Variants in ERBB4 observed in about 807,000 individuals in gnomAD.
ERBB4 encodes erb-b2 receptor tyrosine kinase 4.
ERBB4 carries 42 observed loss-of-function variants against 158.0 expected under a neutral mutation model. That is an observed-to-expected ratio of 0.27 (90% confidence interval 0.21 to 0.34). ERBB4 has a LOEUF of 0.34. ERBB4 is among the 10% of genes least tolerant of loss of function. The pLI is 1.00. For synonymous variants in ERBB4, 583 were observed against 558.7 expected (o/e 1.04, Z -0.61); for missense variants, 1,333 against 1,624.1 (o/e 0.82, Z 3.08).
Position 212,299,251 on chromosome 2 carries a change from A to T in ERBB4, c.83-174348T>A, listed in dbSNP as rs570141695. 1.8e-3 allele frequency among the ~76,000 whole-genome samples: 275 copies of T among 151,764 alleles called. 3 individuals are homozygous for T. The highest frequency in any genetic ancestry group is 6.3e-3 in the African/African-American group (263 of 41,496). ...AATGAGGCAGGAGCTCACAGCTCAT[A>T]ATGACACCAATTACTTTTGCCATAC... On this transcript the variant is annotated intron_variant, in intron 1 of 27. Coordinates refer to ENST00000342788, the MANE Select transcript of ERBB4 (RefSeq NM_005235.3).
At chr2:211,772,808 GATATATATATATAT>G (rs761544601) in intron 4 of ERBB4, among the ~76,000 whole-genome samples, 4 of 37,728 alleles carry the variant, frequency 1.1e-4, no homozygotes, top group Non-Finnish European at 1.8e-4. Flanking sequence ...ACCATACTGG[GATATATATATATAT>G]ATATATATAT....
chr2:212,309,778 A>G (rs537729043), intron 1 of ERBB4, among the ~76,000 whole-genome samples: 1 of 150,496 alleles, frequency 6.6e-6, no homozygotes, highest in Non-Finnish European at 1.5e-5. Context: ...AAGCAATCAG[A>G]GACTTTCAAA....
chr2:211,725,316 T>C lies in ERBB4; in HGVS notation c.623-122A>G, dbSNP rs989341658. On this transcript the variant is annotated intron_variant, in intron 5 of 27. Transcript: ENST00000342788. The stretch of plus-strand genomic sequence containing the variant: ...CTCAATTCAGCAAACATTTAATGAA[T>C]GAGGTTTACAACTAGATCAAAATTT... 5.0e-6 allele frequency: 4 copies of C among 793,756 alleles called. No individual in the cohort carries two copies. In the Admixed American group the frequency reaches 7.1e-5, roughly 14 times the overall value. 49.2% of individuals were successfully genotyped at this position (793,756 alleles called of 1,614,324 possible).
chr2:211,919,530 T>C (rs1411859947), intron 3 of ERBB4, among the ~76,000 whole-genome samples: 1 of 151,994 alleles, frequency 6.6e-6, no homozygotes, highest in South Asian at 2.1e-4. Flanking sequence ...CCCTAGTAAA[T>C]GTGCATGAAC....
chr2:211,402,168 A>G (rs1231594470), intron 25 of ERBB4, among the ~76,000 whole-genome samples: 1 of 152,132 alleles, frequency 6.6e-6, no homozygotes, highest in Non-Finnish European at 1.5e-5. Flanking sequence ...TATATCCCAG[A>G]CTTTTAGAAA....
chr2:211,974,487 T>C (rs1179742247), intron 2 of ERBB4, among the ~76,000 whole-genome samples: 2 of 152,206 alleles, frequency 1.3e-5, no homozygotes, highest in Non-Finnish European at 2.9e-5. Context: ...ATTAGCCATA[T>C]AACCTGGGTA....
At chr2:211,644,365 C>A (rs912943259) in intron 16 of ERBB4, among the ~76,000 whole-genome samples, 18 of 151,976 alleles carry the variant, frequency 1.2e-4, no homozygotes, top group Admixed American at 3.9e-4. Context: ...TATGGGGAAA[C>A]CCATTTTTTT....
intron 3 of ERBB4, among the ~76,000 whole-genome samples, chr2:211,875,201 T>C (rs548637980): frequency 1.3e-5 from 2 of 151,896 alleles, no homozygotes; most frequent in African/African-American, 4.8e-5. Context: ...ATATCATTAA[T>C]AAAATACCAT....
At chr2:212,282,776 A>G (rs2085806580) in intron 1 of ERBB4, among the ~76,000 whole-genome samples, 1 of 151,928 alleles carries the variant, frequency 6.6e-6, no homozygotes, top group Admixed American at 6.6e-5. Flanking sequence ...GACTTTGGTA[A>G]TTAGCCAAGT....
intron 20 of ERBB4, among the ~76,000 whole-genome samples, chr2:211,512,394 A>G (rs1256254964): frequency 6.6e-6 from 1 of 152,044 alleles, no homozygotes; most frequent in African/African-American, 2.4e-5. Context: ...CACTGATTTC[A>G]GAGCAGACAG....
rs34396660 is a variant in ERBB4, at chr2:212,064,988, G to GGTGTGTGT, written c.234+59756_234+59763dup. 2.5e-4 allele frequency among the ~76,000 whole-genome samples: 36 copies of GGTGTGTGT among 143,388 alleles called. No homozygotes were observed. The South Asian group carries it at 3.4e-3, about 14-fold the overall frequency. 94.1% of individuals were successfully genotyped at this position (143,388 alleles called of 152,430 possible). ...TCCACCACCATAACAACATCTTTAT[G>GGTGTGTGT]GTGTGTGTGTGTGTGTGTGTGTGTG... On this transcript the variant is annotated intron_variant, in intron 2 of 27. Transcript: ENST00000342788.
chr2:211,761,465 T>C (rs1200343657), intron 4 of ERBB4, among the ~76,000 whole-genome samples: 1 of 149,758 alleles, frequency 6.7e-6, no homozygotes, highest in Non-Finnish European at 1.5e-5. Context: ...TTATTTTTTC[T>C]TTTTTTTTGG....
chr2:212,082,538 G>C (rs1262017484), intron 2 of ERBB4, among the ~76,000 whole-genome samples: 1 of 151,948 alleles, frequency 6.6e-6, no homozygotes, highest in Non-Finnish European at 1.5e-5. Flanking sequence ...TTAAATTAAA[G>C]ACTATCATTA....
intron 25 of ERBB4, among the ~76,000 whole-genome samples, chr2:211,404,391 C>T (rs1410190035): frequency 6.6e-6 from 1 of 152,078 alleles, no homozygotes; most frequent in African/African-American, 2.4e-5. Flanking sequence ...AGTCTCTAAG[C>T]TTCCTAACAC....
intron 19 of ERBB4, among the ~76,000 whole-genome samples, chr2:211,562,610 T>C (rs2067429302): frequency 6.6e-6 from 1 of 152,136 alleles, no homozygotes; most frequent in South Asian, 2.1e-4. Context: ...AATATGTCTA[T>C]TGTCAATTTA....
At chr2:212,253,913 C>T (rs576976005) in intron 1 of ERBB4, among the ~76,000 whole-genome samples, 1 of 152,186 alleles carries the variant, frequency 6.6e-6, no homozygotes, top group South Asian at 2.1e-4. Context: ...AGCCTGCACA[C>T]CTGTATAGTA....
intron 1 of ERBB4, among the ~76,000 whole-genome samples, chr2:212,313,341 A>G (rs2087130145): frequency 6.6e-6 from 1 of 150,870 alleles, no homozygotes; most frequent in African/African-American, 2.4e-5. Context: ...AAAAATTAAT[A>G]AATTTATTCT....
At chr2:211,485,350 A>G (rs139567122) in intron 20 of ERBB4, among the ~76,000 whole-genome samples, 130 of 152,254 alleles carry the variant, frequency 8.5e-4, no homozygotes, top group East Asian at 5.8e-3. Context: ...TTAATCTGTC[A>G]TTAACCTTGT....
intron 1 of ERBB4, among the ~76,000 whole-genome samples, chr2:212,150,260 T>C (rs1249455062): frequency 1.3e-5 from 2 of 152,088 alleles, no homozygotes; most frequent in African/African-American, 4.8e-5. Flanking sequence ...CCCCAGGCAT[T>C]CCTTGGCTTT....
Sources: allele counts gnomAD v4.1 joint callset (sites outside exome capture counted in the v4.1 genomes callset), GRCh38; gene constraint gnomAD v4.1.1; transcripts MANE v1.5; gene names NCBI Gene and HGNC (gene_info 2026-07-23, HGNC 2026-07-21).